The following ASPH variants were observed in gnomAD, a reference collection of about 807,000 sequenced individuals.
The protein encoded by ASPH is aspartate beta-hydroxylase, also known as aspartyl/asparaginyl beta-hydroxylase.
A neutral mutation model predicts 118.4 loss-of-function variants in ASPH; 100 were observed. That is an observed-to-expected ratio of 0.84 (90% CI 0.72 to 1.00). The LOEUF (loss-of-function observed/expected upper bound fraction) is 1.00. Ranked by LOEUF, ASPH falls within the 50% of genes least tolerant of loss-of-function variation. ASPH has a pLI of 0.00. For synonymous variants in ASPH, 315 were observed against 325.6 expected (o/e 0.97, Z 0.35); for missense variants, 920 against 919.5 (o/e 1.00, Z -0.01).
At chr8:61,522,760 C>T (rs781528093) in intron 22 of ASPH, among the ~76,000 whole-genome samples, 3 of 152,208 alleles carry the variant, frequency 2.0e-5, no homozygotes, top group Admixed American at 2.0e-4. Flanking sequence ...AATTAAACCT[C>T]TTTTTGGTAT....
chr8:61,595,605 A>T (rs1003497605), intron 14 of ASPH, among the ~76,000 whole-genome samples: 2 of 152,250 alleles, frequency 1.3e-5, no homozygotes, highest in Non-Finnish European at 2.9e-5. Flanking sequence ...GAAACTGTAT[A>T]TCAGGTAATA....
intron 3 of ASPH, chr8:61,657,926 A>C (rs1428283289): frequency 6.6e-6 from 1 of 152,230 alleles, no homozygotes; most frequent in African/African-American, 2.4e-5. Flanking sequence ...TGTACAGATG[A>C]AAGAAAACGT....
rs1415360090 is a variant in ASPH at position 61,619,093 on chromosome 8, T to A, written c.935-74A>T. 2.9e-6 allele frequency: 3 copies of A among 1,046,266 alleles called. No individual in the cohort carries two copies. In the Admixed American group the frequency reaches 6.9e-5, roughly 24 times the overall value. 64.8% of individuals were successfully genotyped at this position (1,046,266 alleles called of 1,614,324 possible). ...AGTATCTCAAAATATAGGACAATATTTAAATGAATTCAATAAGTATAATCA... is the reference window on the plus strand; with the variant it reads ...AGTATCTCAAAATATAGGACAATATATAAATGAATTCAATAAGTATAATCA... On this transcript the variant is annotated intron_variant, in intron 13 of 24. Coordinates refer to ENST00000379454, the MANE Select transcript of ASPH (RefSeq NM_004318.4).
intron 17 of ASPH, among the ~76,000 whole-genome samples, chr8:61,565,223 T>C (rs1831282878): frequency 6.6e-6 from 1 of 152,194 alleles, no homozygotes; most frequent in African/African-American, 2.4e-5. Flanking sequence ...TATTTGCAAA[T>C]TTACTTCATG....
intron 3 of ASPH, among the ~76,000 whole-genome samples, chr8:61,674,214 T>A (rs900369488): frequency 5.3e-5 from 8 of 152,132 alleles, no homozygotes. Context: ...TTTCATTGAG[T>A]GGGGCTGAAG....
intron 14 of ASPH, among the ~76,000 whole-genome samples, chr8:61,609,523 G>A (rs1355988013): frequency 6.6e-6 from 1 of 152,198 alleles, no homozygotes; most frequent in Admixed American, 6.5e-5. Flanking sequence ...CAGCAAAGAG[G>A]AAAGGCATGA....
rs192206365 is a variant in ASPH, at chr8:61,523,674, C to A, written c.1900+2303G>T. Reference sequence around the variant, plus strand: ...CTAGAAAATAGTTACTGGATTCCCCCACTAGAAGCATGGAATCACAAACCA... The same window carrying A: ...CTAGAAAATAGTTACTGGATTCCCCAACTAGAAGCATGGAATCACAAACCA... On this transcript the variant is annotated intron_variant, in intron 22 of 24. Coordinates refer to ENST00000379454, the MANE Select transcript of ASPH (RefSeq NM_004318.4). 1.3e-5 allele frequency among the ~76,000 whole-genome samples: 2 copies of A among 151,614 alleles called. 1 individual carries two copies. Among genetic ancestry groups the A allele is most frequent in the Admixed American group, 1.3e-4 (2 of 15,244 alleles).
intron 3 of ASPH, chr8:61,663,112 T>A: frequency 1.0e-6 from 1 of 985,410 alleles, no homozygotes; most frequent in Non-Finnish European, 1.2e-6. Context: ...GGAGAAAAGA[T>A]CTAACACGGG....
At position 61,669,112 on chromosome 8, in the gene ASPH, T is replaced by C. The variant is rs116319670; in HGVS notation, c.322+11856A>G. The stretch of plus-strand genomic sequence containing the variant: ...TCCTCAGGAAGGGTGGCCTTTAGCC[T>C]GTCACTAAAGAACGAAGGTCTAAGG... On this transcript the variant is annotated intron_variant, in intron 3 of 24. Transcript: ENST00000379454. 5.1e-3 allele frequency among the ~76,000 whole-genome samples: 778 copies of C among 152,272 alleles called. 10 individuals carry two copies. The highest frequency in any genetic ancestry group is 0.018 in the African/African-American group (739 of 41,520).
chr8:61,521,104 C>A (rs1346932770), intron 22 of ASPH, among the ~76,000 whole-genome samples: 1 of 152,158 alleles, frequency 6.6e-6, no homozygotes, highest in African/African-American at 2.4e-5. Flanking sequence ...AACCACTCTG[C>A]ATGATGAGAG....
chr8:61,710,426 A>G (rs180899503), intron 1 of ASPH, among the ~76,000 whole-genome samples: 5 of 152,340 alleles, frequency 3.3e-5, no homozygotes, highest in East Asian at 3.9e-4. Context: ...GAAAATGAAA[A>G]TGTCATACAT....
chr8:61,540,780 A>G (rs1445363002), intron 21 of ASPH, among the ~76,000 whole-genome samples: 1 of 152,162 alleles, frequency 6.6e-6, no homozygotes, highest in East Asian at 1.9e-4. Context: ...AATGTAGAGC[A>G]AGAAGTAAGT....
chr8:61,668,427 T>A (rs1003427198), intron 3 of ASPH: 1 of 598,048 alleles, frequency 1.7e-6, no homozygotes, highest in East Asian at 3.1e-5. Context: ...ATATCTCTCT[T>A]ATTTGTCACT....
chr8:61,606,236 A>G lies in ASPH; in HGVS notation c.976+12742T>C, dbSNP rs900818922. On this transcript the variant is annotated intron_variant, in intron 14 of 24. Transcript: ENST00000379454. ...AGTTCATTGGTTTTATGTTGAAGCT[A>G]TAATTTGCAATTAATGCTACTTCCA... Among the ~76,000 whole-genome samples, 6 of 152,248 alleles carry G rather than the reference A, an allele frequency of 3.9e-5. No homozygotes were observed. In the South Asian group the frequency reaches 6.2e-4, roughly 16 times the overall value.
chr8:61,633,831 A>C (rs559944847), intron 12 of ASPH, 104 bp from the exon 13 acceptor site: 5 of 764,704 alleles, frequency 6.5e-6, no homozygotes, highest in Non-Finnish European at 1.0e-5. Context: ...TAGATTTTTT[A>C]AACAATTCAA....
intron 4 of ASPH, among the ~76,000 whole-genome samples, chr8:61,652,649 G>C (rs191358427): frequency 4.6e-5 from 7 of 152,090 alleles, no homozygotes; most frequent in Non-Finnish European, 1.0e-4. Context: ...GGTCAAGAGG[G>C]GTTTTATTTT....
chr8:61,604,227 CA>C (rs1844922283), intron 14 of ASPH, among the ~76,000 whole-genome samples: 1 of 151,942 alleles, frequency 6.6e-6, no homozygotes, highest in South Asian at 2.1e-4. Flanking sequence ...TGCAGAAAGG[CA>C]AAAACTAGAG....
chr8:61,502,062 C>CTT lies in ASPH; in HGVS notation c.*1295_*1296dup. Reference sequence around the variant, plus strand: ...ATATACAAAATCTGATACATGAATACTTTGCTAGATTAATGACTTGATCAT... The same window carrying CTT: ...ATATACAAAATCTGATACATGAATACTTTTTGCTAGATTAATGACTTGATCAT... On this transcript the variant is annotated 3_prime_UTR_variant, in exon 25 of 25. Coordinates refer to ENST00000379454, the MANE Select transcript of ASPH (RefSeq NM_004318.4). 6.6e-6 allele frequency: 1 copy of CTT among 152,094 alleles called. No homozygotes were observed. Among genetic ancestry groups the CTT allele is most frequent in the African/African-American group, 2.4e-5 (1 of 41,416 alleles). 9.4% of individuals were successfully genotyped at this position (152,094 alleles called of 1,614,324 possible). A position where few individuals can be genotyped will look rare whatever the true frequency, so the allele number is the denominator to read the frequency against.
chr8:61,608,513 T>A (rs184294937), intron 14 of ASPH, among the ~76,000 whole-genome samples: 71 of 152,250 alleles, frequency 4.7e-4, no homozygotes, highest in African/African-American at 1.7e-3. Flanking sequence ...AAACTTAAAA[T>A]TTTTTTTCAT....
Sources: gnomAD v4.1 joint callset for allele counts (sites outside exome capture counted in the v4.1 genomes callset) on GRCh38, gnomAD v4.1.1 for gene constraint, MANE v1.5 for transcripts, NCBI Gene and HGNC (gene_info 2026-07-23, HGNC 2026-07-21) for gene names.